NCOA1: variants seen among roughly 807,000 people sequenced by gnomAD.
NCOA1 encodes nuclear receptor coactivator 1, also known as Hin-2 protein.
NCOA1 carries 35 observed loss-of-function variants against 150.9 expected under a neutral mutation model. That is an observed-to-expected ratio of 0.23 (90% confidence interval 0.18 to 0.31). The LOEUF is 0.31. Among genes scored for constraint, NCOA1 ranks in the 10% least tolerant of loss-of-function variants. The probability of loss-of-function intolerance (pLI) is 1.00; values close to 1 mark genes in which losing one functional copy is unlikely to be tolerated. For missense variants in NCOA1, 1,491 were observed against 1,749.3 expected (o/e 0.85, Z 2.63); for synonymous variants, 590 against 630.0 (o/e 0.94, Z 0.95).
At position 24,729,521 on chromosome 2, in the gene NCOA1, A is replaced by G. The variant is rs1012572555; in HGVS notation, c.2907A>G (p.Leu969=). 3.1e-6 allele frequency: 5 copies of G among 1,614,038 alleles called. No individual in the cohort carries two copies. The highest frequency in any genetic ancestry group is 4.2e-6 in the Non-Finnish European group (5 of 1,179,878). Residue 969 remains leucine (L), a synonymous_variant, in exon 17 of 23, where the codon TTA becomes TTG. Coordinates refer to ENST00000348332, the MANE Select transcript of NCOA1 (RefSeq NM_003743.5). ...AACAGGGGGGTGGATTAGATGTATT[A>G]TCAGAGAGATTTCCACCACAACAAG... is the stretch of plus-strand genomic sequence containing the variant. The part of the protein sequence containing the change: ...KLVQGGGLDV[L]SERFPPQQAT...
At chr2:24,576,182 T>TG (rs1666974813) in intron 2 of NCOA1, among the ~76,000 whole-genome samples, 1 of 121,510 alleles carries the variant, frequency 8.2e-6, no homozygotes, top group African/African-American at 3.1e-5. Flanking sequence ...TTTTTTTTTT[T>TG]TTTTTTTTTG....
intron 4 of NCOA1, among the ~76,000 whole-genome samples, chr2:24,650,091 T>C (rs954710415): frequency 6.6e-6 from 1 of 152,210 alleles, no homozygotes; most frequent in Non-Finnish European, 1.5e-5. Context: ...TTGATTTTGC[T>C]TTTTATTCTT....
chr2:24,682,959 T>C lies in NCOA1; in HGVS notation c.363T>C (p.Asp121=). 1 of 1,589,254 alleles carries C rather than the reference T, an allele frequency of 6.3e-7. No individual in the cohort carries two copies. Among genetic ancestry groups the C allele is most frequent in the Non-Finnish European group, 8.5e-7 (1 of 1,172,912 alleles). Residue 121 remains aspartate, a synonymous_variant, in exon 8 of 23, where the codon GAT becomes GAC. Coordinates refer to ENST00000348332, the MANE Select transcript of NCOA1 (RefSeq NM_003743.5). The stretch of plus-strand genomic sequence containing the variant: ...TTCTTTTGGTTTTGCAGGCTTTGGA[T>C]GGATTTTTCTTTGTTGTGAACTGTG... ...SLGPLLLEAL[D]GFFFVVNCEG...
rs1419291030 is a variant in NCOA1 at position 24,707,200 on chromosome 2, C to G, written c.1730C>G (p.Pro577Arg). ...QNSPSRLNIQ[P>R]AKAESKDNKE... ...TCACCTAGCAGATTAAATATACAACCAGCAAAAGCTGAGTCCAAAGATAAC... is the reference window on the plus strand; with the variant it reads ...TCACCTAGCAGATTAAATATACAACGAGCAAAAGCTGAGTCCAAAGATAAC... The change falls in exon 13 of 23, where the codon CCA becomes CGA. Residue 577 changes from proline (P) to arginine (R), a missense_variant. By Grantham distance (103) the Pro-to-Arg change is moderately radical (BLOSUM62 -2). Coordinates refer to ENST00000348332, the MANE Select transcript of NCOA1 (RefSeq NM_003743.5). 5 of 1,614,154 alleles carry G rather than the reference C, an allele frequency of 3.1e-6. No homozygotes were observed. The highest frequency in any genetic ancestry group is 4.2e-6 in the Non-Finnish European group (5 of 1,180,026).
intron 5 of NCOA1, chr2:24,658,986 A>G (rs1671064541): frequency 7.9e-6 from 4 of 509,212 alleles, no homozygotes; most frequent in Non-Finnish European, 1.4e-5. Flanking sequence ...CTCATCCTTC[A>G]GATGCCAGCT....
At chr2:24,540,649 A>G (rs1665352200) in intron 1 of NCOA1, among the ~76,000 whole-genome samples, 1 of 151,842 alleles carries the variant, frequency 6.6e-6, no homozygotes, top group Non-Finnish European at 1.5e-5. Context: ...AGTAGAGACG[A>G]GGTTTCACCA....
At chr2:24,644,969 A>T (rs55967492) in intron 4 of NCOA1, among the ~76,000 whole-genome samples, 65 of 152,264 alleles carry the variant, frequency 4.3e-4, no homozygotes, top group African/African-American at 1.4e-3. Flanking sequence ...GACAGTTGTC[A>T]CTATGGAGAG....
chr2:24,650,977 T>C (rs1410464429), intron 4 of NCOA1, among the ~76,000 whole-genome samples: 1 of 152,106 alleles, frequency 6.6e-6, no homozygotes, highest in East Asian at 1.9e-4. Context: ...AATTTTTGGA[T>C]TTTGGATCAT....
chr2:24,601,557 T>C (rs1668117983), intron 3 of NCOA1, among the ~76,000 whole-genome samples: 1 of 151,932 alleles, frequency 6.6e-6, no homozygotes, highest in Non-Finnish European at 1.5e-5. Context: ...CTGACAGTTT[T>C]ATTGATTGGG....
intron 5 of NCOA1, among the ~76,000 whole-genome samples, chr2:24,662,179 T>G (rs1671213921): frequency 6.6e-6 from 1 of 152,246 alleles, no homozygotes; most frequent in Non-Finnish European, 1.5e-5. Context: ...GAGCATCTGT[T>G]AGACATCAGG....
intron 21 of NCOA1, among the ~76,000 whole-genome samples, chr2:24,760,306 ATTTTTTTTTTTT>A (rs70947842): frequency 1.0e-5 from 1 of 99,740 alleles, no homozygotes; most frequent in African/African-American, 3.8e-5. Flanking sequence ...TGCCCGGCTA[ATTTTTTTTTTTT>A]TTTTTTTTTT....
chr2:24,676,106 T>TG (rs796956207), intron 7 of NCOA1, among the ~76,000 whole-genome samples: 2 of 152,226 alleles, frequency 1.3e-5, no homozygotes, highest in African/African-American at 4.8e-5. Context: ...TCTGTGGCAG[T>TG]GGGGTCACCT....
At chr2:24,504,234 A>G (rs918525788) in intron 1 of NCOA1, among the ~76,000 whole-genome samples, 1 of 152,204 alleles carries the variant, frequency 6.6e-6, no homozygotes, top group Non-Finnish European at 1.5e-5. Context: ...GGGCTTTGGA[A>G]TGTTGCTTAT....
intron 3 of NCOA1, among the ~76,000 whole-genome samples, chr2:24,596,639 A>G (rs1192501715): frequency 2.0e-5 from 3 of 152,182 alleles, no homozygotes; most frequent in Non-Finnish European, 2.9e-5. Context: ...GAATTTTTAT[A>G]TTTAGTAATA....
intron 8 of NCOA1, among the ~76,000 whole-genome samples, chr2:24,683,968 G>A (rs188939019): frequency 1.1e-4 from 16 of 152,140 alleles, no homozygotes; most frequent in Non-Finnish European, 2.9e-5. Flanking sequence ...AAATAAAAGC[G>A]ATTTAAAATG....
intron 19 of NCOA1, among the ~76,000 whole-genome samples, chr2:24,743,921 G>T (rs1027090156): frequency 2.0e-4 from 30 of 152,232 alleles, no homozygotes; most frequent in African/African-American, 6.7e-4. Flanking sequence ...TAGTATTTCT[G>T]TCCATTTTCA....
Position 24,707,148 on chromosome 2 carries a change from G to A in NCOA1, c.1678G>A (p.Val560Ile), listed in dbSNP as rs373919372. 20 of 1,614,042 alleles carry A rather than the reference G, an allele frequency of 1.2e-5. No homozygotes were observed. The highest frequency in any genetic ancestry group is 1.4e-5 in the Non-Finnish European group (17 of 1,180,040). ...NSVGFSASSP[V>I]LRQMSSQNSP... ...CGTTGGCTTCTCTGCCAGTTCTCCA[G>A]TCCTCAGGCAGATGAGCTCACAGAA... The change falls in exon 13 of 23, where the codon GTC (valine) becomes ATC (isoleucine). Residue 560 changes from valine (V) to isoleucine (I), a missense_variant. By Grantham distance (29) the Val-to-Ile change is conservative (BLOSUM62 3). Transcript: ENST00000348332.
chr2:24,507,097 G>C (rs1234755851), intron 1 of NCOA1, among the ~76,000 whole-genome samples: 1 of 152,146 alleles, frequency 6.6e-6, no homozygotes, highest in Non-Finnish European at 1.5e-5. Flanking sequence ...TCTGGAGGAC[G>C]AAGACTGAAC....
At chr2:24,686,023 CAG>C (rs1030875287) in intron 8 of NCOA1, among the ~76,000 whole-genome samples, 7 of 151,800 alleles carry the variant, frequency 4.6e-5, no homozygotes, top group African/African-American at 1.2e-4. Flanking sequence ...TATTTTGAGA[CAG>C]AGTTTCACTC....
Sources: gnomAD v4.1 joint callset for allele counts (sites outside exome capture counted in the v4.1 genomes callset) on GRCh38, gnomAD v4.1.1 for gene constraint, MANE v1.5 for transcripts, NCBI Gene and HGNC (gene_info 2026-07-23, HGNC 2026-07-21) for gene names.